Variants in CSMD1 observed in about 807,000 individuals in gnomAD.
CSMD1 encodes CUB and sushi domain-containing protein 1.
A neutral mutation model predicts 417.5 loss-of-function variants in CSMD1; 213 were observed. That is an observed-to-expected ratio of 0.51 (90% CI 0.46 to 0.57). CSMD1 has a LOEUF of 0.57. CSMD1 is among the 20% of genes least tolerant of loss of function. The pLI is 0.00. For synonymous variants in CSMD1, 2,862 were observed against 1,736.8 expected, an observed-to-expected ratio of 1.65 and a Z score of -16.11; for missense variants, 6,923 against 4,529.7, an observed-to-expected ratio of 1.53 and a Z score of -15.17.
chr8:4,793,222 A>G (rs1797788665), intron 1 of CSMD1, among the ~76,000 whole-genome samples: 2 of 152,134 alleles, frequency 1.3e-5, no homozygotes, highest in Admixed American at 6.5e-5. Context: ...ACAAGACATG[A>G]TCATGAGTTA....
intron 1 of CSMD1, among the ~76,000 whole-genome samples, chr8:4,675,627 A>T (rs1364288017): frequency 7.0e-6 from 1 of 143,522 alleles, no homozygotes; most frequent in Non-Finnish European, 1.5e-5. Flanking sequence ...GAATAAACAT[A>T]AAAAAAGTAA....
chr8:3,491,176 G>C (rs6985022), intron 11 of CSMD1, among the ~76,000 whole-genome samples: 17,685 of 152,084 alleles, frequency 0.12, 1,323 homozygotes, highest in East Asian at 0.26. Flanking sequence ...GACTGTCAAA[G>C]GGAACCAGGT....
chr8:3,756,224 G>C (rs993615904), intron 5 of CSMD1, among the ~76,000 whole-genome samples: 1 of 151,848 alleles, frequency 6.6e-6, no homozygotes, highest in African/African-American at 2.4e-5. Context: ...ATGGTGGCGG[G>C]CGCCTGTAGT....
intron 52 of CSMD1, among the ~76,000 whole-genome samples, chr8:3,017,235 G>C (rs1808913316): frequency 6.6e-6 from 1 of 152,178 alleles, no homozygotes; most frequent in Non-Finnish European, 1.5e-5. Context: ...GGCTCCTTCA[G>C]AGGACCAAGC....
intron 5 of CSMD1, among the ~76,000 whole-genome samples, chr8:3,901,463 T>C (rs2129133822): frequency 6.6e-6 from 1 of 152,354 alleles, no homozygotes; most frequent in South Asian, 2.1e-4. Context: ...CAAATTATTT[T>C]CCACTTGATA....
intron 14 of CSMD1, among the ~76,000 whole-genome samples, chr8:3,407,063 A>C (rs1430461673): frequency 2.0e-5 from 3 of 152,040 alleles, no homozygotes; most frequent in Non-Finnish European, 4.4e-5. Flanking sequence ...GGCTGGCTGG[A>C]TGAATGGAGG....
chr8:3,276,201 G>T (rs935330872), intron 26 of CSMD1, among the ~76,000 whole-genome samples: 5 of 152,134 alleles, frequency 3.3e-5, no homozygotes, highest in African/African-American at 1.2e-4. Flanking sequence ...TGAGGTGTCA[G>T]TCTACCCCTG....
At chr8:4,785,856 A>G (rs1797375163) in intron 1 of CSMD1, among the ~76,000 whole-genome samples, 1 of 152,164 alleles carries the variant, frequency 6.6e-6, no homozygotes, top group Admixed American at 6.5e-5. Context: ...GATGTTCTTC[A>G]TGATCCTAAG....
chr8:3,748,174 C>G (rs910369417), intron 6 of CSMD1, among the ~76,000 whole-genome samples: 6 of 152,020 alleles, frequency 3.9e-5, no homozygotes, highest in Non-Finnish European at 1.5e-5. Flanking sequence ...ATCTTTTGTT[C>G]TGAGAGAAAT....
chr8:3,749,757 A>G (rs112961499), intron 6 of CSMD1, among the ~76,000 whole-genome samples: 16 of 152,130 alleles, frequency 1.1e-4, no homozygotes, highest in African/African-American at 3.6e-4. Context: ...GAAATATTGT[A>G]TGTGAGAGTC....
chr8:3,658,552 G>A (rs1019337747), intron 7 of CSMD1, among the ~76,000 whole-genome samples: 5 of 151,440 alleles, frequency 3.3e-5, no homozygotes, highest in Non-Finnish European at 5.9e-5. Context: ...GGAGGCCAAG[G>A]CAGGTGGATG....
rs149834628 is a variant in CSMD1 at position 4,747,611 on chromosome 8, T to C, written c.86-110053A>G. ...ACACTGAATGTTGTGCTTCTCTCTT[T>C]ATTCTGGAGTTAGCATCATTATCAA... On this transcript the variant is annotated intron_variant, in intron 1 of 69. Transcript: ENST00000635120. Among the ~76,000 whole-genome samples, 240 of 152,336 alleles carry C rather than the reference T, an allele frequency of 1.6e-3. 1 individual carries two copies. Among genetic ancestry groups the C allele is most frequent in the African/African-American group, 5.6e-3 (232 of 41,572 alleles).
At chr8:4,500,933 G>A (rs1287759501) in intron 2 of CSMD1, among the ~76,000 whole-genome samples, 1 of 152,068 alleles carries the variant, frequency 6.6e-6, no homozygotes, top group Non-Finnish European at 1.5e-5. Context: ...TTTACAACTT[G>A]AGAACGAGTA....
chr8:4,297,331 A>C (rs977273957), intron 3 of CSMD1, among the ~76,000 whole-genome samples: 1 of 152,120 alleles, frequency 6.6e-6, no homozygotes. Flanking sequence ...GTTTAATCCA[A>C]ATCTAAAAAA....
chr8:3,155,095 T>G (rs1819435039), intron 39 of CSMD1, among the ~76,000 whole-genome samples: 1 of 149,760 alleles, frequency 6.7e-6, no homozygotes, highest in African/African-American at 2.5e-5. Flanking sequence ...AAAAGCCTAT[T>G]ATATTTTGCA....
At chr8:4,391,439 C>T (rs891915580) in intron 3 of CSMD1, among the ~76,000 whole-genome samples, 3 of 152,158 alleles carry the variant, frequency 2.0e-5, no homozygotes, top group Middle Eastern at 3.4e-3. Context: ...AGAGAAGGAA[C>T]ATAAACAGCT....
chr8:3,609,797 A>G (rs1192677519), intron 8 of CSMD1, among the ~76,000 whole-genome samples: 6 of 148,724 alleles, frequency 4.0e-5, no homozygotes, highest in Non-Finnish European at 5.9e-5. Context: ...AAAGACTGTT[A>G]AAAAGTATCT....
intron 23 of CSMD1, among the ~76,000 whole-genome samples, chr8:3,313,301 G>A (rs1805495730): frequency 6.6e-6 from 1 of 152,124 alleles, no homozygotes; most frequent in Non-Finnish European, 1.5e-5. Flanking sequence ...GTTCTGCACA[G>A]CAAAAGAAAC....
chr8:4,039,098 C>G (rs1400173698), intron 3 of CSMD1, among the ~76,000 whole-genome samples: 3 of 152,112 alleles, frequency 2.0e-5, no homozygotes, highest in Non-Finnish European at 2.9e-5. Flanking sequence ...ACAAGGCTAT[C>G]GAAAGGAAGT....
Sources: gnomAD v4.1 joint callset for allele counts (sites outside exome capture counted in the v4.1 genomes callset) on GRCh38, gnomAD v4.1.1 for gene constraint, MANE v1.5 for transcripts, NCBI Gene and HGNC (gene_info 2026-07-23, HGNC 2026-07-21) for gene names.